Variants in SPAST observed in about 807,000 individuals in gnomAD.
The protein encoded by SPAST is spastin.
A neutral mutation model predicts 76.6 loss-of-function variants in SPAST; 30 were observed. The ratio of observed to expected loss-of-function variants is 0.39; its 90% CI spans 0.29 to 0.53. The LOEUF is 0.53. Among genes scored for constraint, SPAST ranks in the 20% least tolerant of loss-of-function variants. SPAST has a pLI of 0.68. For synonymous variants in SPAST, 305 were observed against 281.0 expected (o/e 1.09, Z -0.86); for missense variants, 717 against 770.5 (o/e 0.93, Z 0.82).
intron 7 of SPAST, among the ~76,000 whole-genome samples, chr2:32,120,487 C>T (rs990796589): frequency 2.2e-4 from 33 of 151,254 alleles, no homozygotes; most frequent in African/African-American, 7.8e-4. Flanking sequence ...GCTTCATTTT[C>T]ATCTTATCGA....
At chr2:32,065,704 T>C (rs1676481933) in intron 1 of SPAST, among the ~76,000 whole-genome samples, 1 of 152,216 alleles carries the variant, frequency 6.6e-6, no homozygotes, top group Admixed American at 6.5e-5. Flanking sequence ...ACTTGCATTG[T>C]CCATTAGTGA....
chr2:32,087,114 A>G, intron 1 of SPAST, among the ~76,000 whole-genome samples: 1 of 152,222 alleles, frequency 6.6e-6, no homozygotes, highest in East Asian at 1.9e-4. Flanking sequence ...ATCAGATTTG[A>G]ATATGAGATT....
At chr2:32,110,115 T>G (rs888085992) in intron 4 of SPAST, among the ~76,000 whole-genome samples, 38 of 143,818 alleles carry the variant, frequency 2.6e-4, no homozygotes, top group Non-Finnish European at 2.1e-4. Context: ...TTTTTTTTTT[T>G]TGTTTTTTTT....
intron 1 of SPAST, among the ~76,000 whole-genome samples, chr2:32,074,373 C>T (rs72796852): frequency 0.024 from 3,655 of 152,234 alleles, 72 homozygotes; most frequent in Non-Finnish European, 0.036. Flanking sequence ...TGGTCTTGTT[C>T]CACCGTGGTC....
intron 3 of SPAST, among the ~76,000 whole-genome samples, chr2:32,094,892 C>G (rs1006698823): frequency 3.9e-5 from 6 of 152,222 alleles, no homozygotes; most frequent in African/African-American, 1.4e-4. Context: ...TCACTTGAAC[C>G]CGGGAGGCGG....
At chr2:32,131,201 A>G (rs1229194456) in intron 9 of SPAST, among the ~76,000 whole-genome samples, 1 of 152,142 alleles carries the variant, frequency 6.6e-6, no homozygotes, top group East Asian at 1.9e-4. Flanking sequence ...TTCCTTTCTC[A>G]GGAACACTAT....
At chr2:32,101,456 CTTTAG>C (rs371998197) in intron 4 of SPAST, among the ~76,000 whole-genome samples, 10,195 of 152,164 alleles carry the variant, frequency 0.067, 434 homozygotes, top group Non-Finnish European at 0.093. Flanking sequence ...TGCAGAAACT[CTTTAG>C]TTTAATTAGA....
chr2:32,151,731 G>T (rs1315940184), intron 16 of SPAST, among the ~76,000 whole-genome samples: 1 of 152,050 alleles, frequency 6.6e-6, no homozygotes, highest in Non-Finnish European at 1.5e-5. Flanking sequence ...CCAACGTGGC[G>T]AAACCCCGTC....
chr2:32,148,451 C>G (rs1320984982), intron 16 of SPAST, among the ~76,000 whole-genome samples: 2 of 151,712 alleles, frequency 1.3e-5, no homozygotes, highest in East Asian at 1.9e-4. Context: ...GTGGGCAGAT[C>G]ACTTGAGGTC....
intron 1 of SPAST, among the ~76,000 whole-genome samples, chr2:32,066,972 CAAAAAAAAAAAAAAAAAAAACCAA>C (rs1229474744): frequency 1.3e-5 from 1 of 77,600 alleles, no homozygotes; most frequent in Non-Finnish European, 2.2e-5. Context: ...AAAACTGTCT[CAAAAAAAAAAAAAAAAAAAACCAA>C]AAAAAAAAAA....
At chr2:32,081,216 C>T (rs1333612313) in intron 1 of SPAST, among the ~76,000 whole-genome samples, 2 of 152,092 alleles carry the variant, frequency 1.3e-5, no homozygotes, top group East Asian at 1.9e-4. Flanking sequence ...CTCAGCCTCC[C>T]AAAGTGCTGG....
At chr2:32,152,176 ATACAT>A (rs1233709801) in intron 16 of SPAST, among the ~76,000 whole-genome samples, 6 of 152,140 alleles carry the variant, frequency 3.9e-5, no homozygotes, top group African/African-American at 1.4e-4. Flanking sequence ...TTCCTGTTGT[ATACAT>A]TAGTCTCTTA....
intron 4 of SPAST, 95 bp from the exon 5 acceptor site, chr2:32,114,543 A>C: frequency 1.0e-6 from 1 of 960,054 alleles, no homozygotes; most frequent in Non-Finnish European, 1.6e-6. Context: ...TTGAATTAAA[A>C]AAATATATTA....
At position 32,122,017 on chromosome 2, in the gene SPAST, A is replaced by G. The variant is rs150820916; in HGVS notation, c.1099-4931A>G. 1.3e-4 allele frequency among the ~76,000 whole-genome samples: 20 copies of G among 152,286 alleles called. No individual in the cohort carries two copies. The East Asian group carries it at 3.9e-3, about 29-fold the overall frequency. On this transcript the variant is annotated intron_variant, in intron 7 of 16. Coordinates refer to ENST00000315285, the MANE Select transcript of SPAST (RefSeq NM_014946.4). ...GTCTGGTTATTCTGGTTGTCCACTTATATTACGTGGAACAATAAAAAAGTT... is the reference window on the plus strand; with the variant it reads ...GTCTGGTTATTCTGGTTGTCCACTTGTATTACGTGGAACAATAAAAAAGTT...
At chr2:32,078,990 A>T (rs1280114190) in intron 1 of SPAST, among the ~76,000 whole-genome samples, 2 of 151,972 alleles carry the variant, frequency 1.3e-5, no homozygotes, top group African/African-American at 4.8e-5. Flanking sequence ...GGTACATGTC[A>T]CCACGCCCGG....
intron 16 of SPAST, among the ~76,000 whole-genome samples, chr2:32,151,396 C>A (rs189692157): frequency 6.6e-6 from 1 of 152,162 alleles, no homozygotes; most frequent in African/African-American, 2.4e-5. Flanking sequence ...ATGTAAAGAT[C>A]CATTAAATAA....
intron 4 of SPAST, among the ~76,000 whole-genome samples, chr2:32,110,212 A>G (rs1233569380): frequency 6.8e-6 from 1 of 146,098 alleles, no homozygotes; most frequent in African/African-American, 2.5e-5. Flanking sequence ...TCTGCTTCCC[A>G]GGTTCAAGCA....
intron 16 of SPAST, among the ~76,000 whole-genome samples, chr2:32,149,513 T>A (rs1015181652): frequency 6.6e-6 from 1 of 152,178 alleles, no homozygotes; most frequent in African/African-American, 2.4e-5. Context: ...CATAACTCTG[T>A]GAGCAAAATT....
chr2:32,115,974 A>G, intron 6 of SPAST, 139 bp downstream of exon 6: 1 of 957,264 alleles, frequency 1.0e-6, no homozygotes, highest in Non-Finnish European at 1.6e-6. Flanking sequence ...TTCAATTATA[A>G]ATGTAGAAAA....
Sources: allele counts gnomAD v4.1 joint callset (sites outside exome capture counted in the v4.1 genomes callset), GRCh38; gene constraint gnomAD v4.1.1; transcripts MANE v1.5; gene names NCBI Gene and HGNC (gene_info 2026-07-23, HGNC 2026-07-21).